MGST3: variants seen among roughly 807,000 people sequenced by gnomAD.
The protein encoded by MGST3 is glutathione S-transferase 3, mitochondrial.
Under a neutral mutation model 15.8 loss-of-function variants are expected in MGST3, and 13 were observed. The observed-to-expected ratio is 0.82, with a 90% CI of 0.54 to 1.31. The LOEUF (loss-of-function observed/expected upper bound fraction) is 1.31. MGST3 is among the 50% of genes most tolerant of loss of function. The pLI is 0.00. For missense variants in MGST3, 155 were observed against 192.4 expected, an observed-to-expected ratio of 0.81 and a Z score of 1.15; for synonymous variants, 49 against 68.1, an observed-to-expected ratio of 0.72 and a Z score of 1.38.
rs762271000 is a variant in MGST3 at position 165,655,478 on chromosome 1, G to C, written c.433G>C (p.Gly145Arg). The C allele has an allele frequency of 5.6e-6, 9 of 1,613,872 alleles. No homozygotes were observed. Among genetic ancestry groups the C allele is most frequent in the African/African-American group, 1.3e-5 (1 of 74,848 alleles). ...QHLGWVKSGL[G>R]SGPKCCH Reference sequence around the variant, plus strand: ...TCTTGGTTGGGTTAAAAGTGGCTTGGGCAGTGGACCCAAATGCTGCCATTA... The same window carrying C: ...TCTTGGTTGGGTTAAAAGTGGCTTGCGCAGTGGACCCAAATGCTGCCATTA... The change falls in exon 6 of 6, where the codon GGC becomes CGC. Residue 145 changes from glycine to arginine, a missense_variant. By Grantham distance (125) the Gly-to-Arg change is moderately radical (BLOSUM62 -2). Transcript: ENST00000367889.
intron 3 of MGST3, 50 bp downstream of exon 3, chr1:165,651,137 TTCTG>T: frequency 5.3e-6 from 8 of 1,515,526 alleles, no homozygotes; most frequent in African/African-American, 1.4e-5. Flanking sequence ...AGTGGGTGTT[TTCTG>T]TCTAACACCT....
At chr1:165,650,866 C>T in intron 2 of MGST3, 148 bp from the exon 3 acceptor site, 1 of 716,200 alleles carries the variant, frequency 1.4e-6, no homozygotes, top group Non-Finnish European at 2.5e-6. Flanking sequence ...CCCTTGTCAC[C>T]ATAAATATTT....
At chr1:165,644,070 A>T (rs557764783) in intron 1 of MGST3, among the ~76,000 whole-genome samples, 1 of 151,540 alleles carries the variant, frequency 6.6e-6, no homozygotes, top group East Asian at 1.9e-4. Context: ...AAAAAAAAAA[A>T]ATTACCTATT....
At chr1:165,644,473 A>G (rs1648341403) in intron 1 of MGST3, among the ~76,000 whole-genome samples, 1 of 152,234 alleles carries the variant, frequency 6.6e-6, no homozygotes. Flanking sequence ...GGCACTTACC[A>G]TGAATGGAGC....
intron 1 of MGST3, chr1:165,648,908 G>A (rs1291161274): frequency 6.6e-6 from 1 of 152,174 alleles, no homozygotes; most frequent in African/African-American, 2.4e-5. Context: ...TGAAAATAAG[G>A]ATTTACCATC....
At chr1:165,646,319 C>T (rs1037555033) in intron 1 of MGST3, 1 of 152,128 alleles carries the variant, frequency 6.6e-6, no homozygotes, top group African/African-American at 2.4e-5. Flanking sequence ...TATCTCTTCG[C>T]CTTGGAATCT....
intron 4 of MGST3, chr1:165,653,642 CATGACAGCCAAAGGGATGG>C (rs2101725598): frequency 6.4e-6 from 1 of 155,154 alleles, no homozygotes; most frequent in South Asian, 2.0e-4. Context: ...GTCACCCCAG[CATGACAGCCAAAGGGATGG>C]ATTTTTCATC....
At chr1:165,642,994 A>G (rs1648301507) in intron 1 of MGST3, among the ~76,000 whole-genome samples, 1 of 152,208 alleles carries the variant, frequency 6.6e-6, no homozygotes, top group African/African-American at 2.4e-5. Context: ...AAGTTTTTTT[A>G]GATATGTATT....
At chr1:165,638,014 CCATGG>C (rs1648156421) in intron 1 of MGST3, among the ~76,000 whole-genome samples, 1 of 152,156 alleles carries the variant, frequency 6.6e-6, no homozygotes. Flanking sequence ...TGAAAACCTA[CCATGG>C]CCCGGGGCTT....
chr1:165,639,840 A>C (rs1648214088), intron 1 of MGST3, among the ~76,000 whole-genome samples: 1 of 152,194 alleles, frequency 6.6e-6, no homozygotes, highest in Non-Finnish European at 1.5e-5. Flanking sequence ...CTATGGGACC[A>C]GGTCTTATAG....
chr1:165,638,220 T>C (rs1361177778), intron 1 of MGST3, among the ~76,000 whole-genome samples: 1 of 152,232 alleles, frequency 6.6e-6, no homozygotes, highest in East Asian at 1.9e-4. Flanking sequence ...GGTTCATGCC[T>C]CTTATCCCAG....
At chr1:165,651,617 T>A (rs1243777971) in intron 3 of MGST3, 3 of 318,510 alleles carry the variant, frequency 9.4e-6, no homozygotes, top group African/African-American at 6.5e-5. Flanking sequence ...AGATTCATAG[T>A]GCTGGCTGGG....
chr1:165,654,251 A>C, intron 4 of MGST3, 28 bp from the exon 5 acceptor site: 1 of 1,610,332 alleles, frequency 6.2e-7, no homozygotes, highest in Non-Finnish European at 8.5e-7. Flanking sequence ...TCTTTCATGC[A>C]AATACTAATG....
intron 1 of MGST3, among the ~76,000 whole-genome samples, chr1:165,640,516 G>A (rs1648234971): frequency 6.6e-6 from 1 of 151,958 alleles, no homozygotes; most frequent in African/African-American, 2.4e-5. Context: ...TTCTTAAAAT[G>A]TGGTCCTTGA....
intron 1 of MGST3, among the ~76,000 whole-genome samples, chr1:165,641,011 C>T (rs1277294864): frequency 2.0e-5 from 3 of 151,996 alleles, no homozygotes; most frequent in South Asian, 2.1e-4. Context: ...GGTGAAACCC[C>T]GTCTCTACTA....
At chr1:165,640,117 G>A (rs537497647) in intron 1 of MGST3, among the ~76,000 whole-genome samples, 49 of 152,248 alleles carry the variant, frequency 3.2e-4, no homozygotes, top group Non-Finnish European at 1.2e-4. Flanking sequence ...TTGACTATGG[G>A]AAAATCTGAT....
In MGST3 at chr1:165,641,947, C is replaced by G. The variant is rs142356972; in HGVS notation, c.-7-7894C>G. Among the ~76,000 whole-genome samples, 6 of 152,330 alleles carry G rather than the reference C, an allele frequency of 3.9e-5. No homozygotes were observed. In the East Asian group the frequency reaches 1.2e-3, roughly 29 times the overall value. ...AACCTTTAATGTTCTCTTGACTGAT[C>G]TATTTTGACTTAAGACTGCCAACAA... On this transcript the variant is annotated intron_variant, in intron 1 of 5. Coordinates refer to ENST00000367889, the MANE Select transcript of MGST3 (RefSeq NM_004528.4).
rs56190944 is a variant in MGST3, at chr1:165,634,024, G to GT, written c.-8+2749dup. The stretch of plus-strand genomic sequence containing the variant: ...ATTCCTTGTTTGGAACTTTCCCAAA[G>GT]TTTTTTTTTTTTTTTTTTCTCCTTC... On this transcript the variant is annotated intron_variant, in intron 1 of 5. Transcript: ENST00000367889. Among the ~76,000 whole-genome samples the GT allele has an allele frequency of 6.9e-3, 951 of 138,438 alleles. 8 individuals are homozygous for GT. The highest frequency in any genetic ancestry group is 0.013 in the African/African-American group (468 of 37,424). 90.8% of individuals were successfully genotyped at this position (138,438 alleles called of 152,430 possible).
At chr1:165,643,719 T>G (rs1052497956) in intron 1 of MGST3, among the ~76,000 whole-genome samples, 1 of 151,834 alleles carries the variant, frequency 6.6e-6, no homozygotes, top group Non-Finnish European at 1.5e-5. Flanking sequence ...AATAAAAAAA[T>G]TAGCCGGGTG....
Sources: gnomAD v4.1 joint callset for allele counts (sites outside exome capture counted in the v4.1 genomes callset) on GRCh38, gnomAD v4.1.1 for gene constraint, MANE v1.5 for transcripts, NCBI Gene and HGNC (gene_info 2026-07-23, HGNC 2026-07-21) for gene names.